Variants in CACNA1A observed in about 807,000 individuals in gnomAD.
CACNA1A encodes calcium voltage-gated channel subunit alpha1 A.
Under a neutral mutation model 262.4 loss-of-function variants are expected in CACNA1A, and 57 were observed. That is an observed-to-expected ratio of 0.22 (90% CI 0.18 to 0.27). CACNA1A has a LOEUF of 0.27. Ranked by LOEUF, CACNA1A falls within the 10% of genes least tolerant of loss-of-function variation. The probability of loss-of-function intolerance (pLI) is 1.00; values close to 1 mark genes in which losing one functional copy is unlikely to be tolerated. For synonymous variants in CACNA1A, 1,431 were observed against 1,419.3 expected (o/e 1.01, Z -0.18); for missense variants, 2,526 against 3,562.8 (o/e 0.71, Z 7.41).
At chr19:13,275,726 C>T in intron 24 of CACNA1A, 124 bp downstream of exon 24, 1 of 711,794 alleles carries the variant, frequency 1.4e-6, no homozygotes, top group Admixed American at 2.0e-5. Context: ...CTGATATCTC[C>T]CACGTCCCCG....
chr19:13,455,260 T>TG (rs1215396491), intron 1 of CACNA1A, 48 bp from the exon 2 acceptor site: 2 of 1,187,596 alleles, frequency 1.7e-6, no homozygotes, highest in Non-Finnish European at 2.5e-6. Context: ...AGAAGGGTGT[T>TG]GGAGGTGCAC....
At chr19:13,331,944 G>A (rs2076358387) in intron 9 of CACNA1A, among the ~76,000 whole-genome samples, 1 of 152,192 alleles carries the variant, frequency 6.6e-6, no homozygotes, top group Non-Finnish European at 1.5e-5. Context: ...ACAGATGTGA[G>A]CCACAGACAG....
At chr19:13,465,143 C>T (rs2061210838) in intron 1 of CACNA1A, among the ~76,000 whole-genome samples, 2 of 151,634 alleles carry the variant, frequency 1.3e-5, no homozygotes. Context: ...GTTGGCCAGG[C>T]TAGTCTTGAA....
intron 6 of CACNA1A, among the ~76,000 whole-genome samples, chr19:13,351,937 G>C (rs776023486): frequency 1.3e-5 from 2 of 152,138 alleles, no homozygotes; most frequent in South Asian, 4.1e-4. Flanking sequence ...GAGCCACCAA[G>C]GCTGGCCATT....
At chr19:13,404,005 A>T (rs1232817999) in intron 3 of CACNA1A, among the ~76,000 whole-genome samples, 1 of 152,108 alleles carries the variant, frequency 6.6e-6, no homozygotes, top group Non-Finnish European at 1.5e-5. Flanking sequence ...ACATATGTTC[A>T]AATCTTGGCC....
At chr19:13,254,197 T>C (rs1297390451) in intron 29 of CACNA1A, among the ~76,000 whole-genome samples, 1 of 152,160 alleles carries the variant, frequency 6.6e-6, no homozygotes, top group Non-Finnish European at 1.5e-5. Flanking sequence ...CACTGGTTGC[T>C]TGTACAAAGG....
intron 31 of CACNA1A, among the ~76,000 whole-genome samples, chr19:13,242,845 G>C (rs934706771): frequency 6.6e-6 from 1 of 152,192 alleles, no homozygotes; most frequent in Non-Finnish European, 1.5e-5. Context: ...CATGAGAAGA[G>C]ATAGCGCAAG....
Position 13,218,293 on chromosome 19 carries a change from C to T in CACNA1A, c.5732-3685G>A, listed in dbSNP as rs79804674. Among the ~76,000 whole-genome samples the T allele has an allele frequency of 7.3e-3, 1,104 of 152,116 alleles. 12 individuals are homozygous for T. The highest frequency in any genetic ancestry group is 0.025 in the African/African-American group (1,038 of 41,486). ...AGTTCATTCTAACAATGCGATTTAT[C>T]GTTGGGGTCTTGGGCCACGTGGTAT... On this transcript the variant is annotated intron_variant, in intron 38 of 46. Transcript: ENST00000360228.
chr19:13,498,072 C>T (rs1045848872), intron 1 of CACNA1A, among the ~76,000 whole-genome samples: 1 of 151,974 alleles, frequency 6.6e-6, no homozygotes, highest in Non-Finnish European at 1.5e-5. Flanking sequence ...GCCACGAACA[C>T]ATTTCACTGC....
intron 3 of CACNA1A, among the ~76,000 whole-genome samples, chr19:13,375,184 G>A (rs752415641): frequency 6.6e-6 from 1 of 152,042 alleles, no homozygotes; most frequent in Non-Finnish European, 1.5e-5. Context: ...TGTTATGGTG[G>A]TCTGTGATCA....
intron 1 of CACNA1A, among the ~76,000 whole-genome samples, chr19:13,497,556 AT>A (rs1568709906): frequency 0.036 from 2,157 of 60,466 alleles, 659 homozygotes; most frequent in East Asian, 0.043. Context: ...ATATATATAT[AT>A]ATATATATAT....
chr19:13,332,764 T>C, intron 9 of CACNA1A, 105 bp downstream of exon 9: 1 of 662,282 alleles, frequency 1.5e-6, no homozygotes, highest in Admixed American at 2.3e-5. Flanking sequence ...ACGTCTACCC[T>C]CTGCAAGATC....
At chr19:13,346,637 TATATATATATATATATATA>T (rs2058773737) in intron 6 of CACNA1A, among the ~76,000 whole-genome samples, 15 of 5,346 alleles carry the variant, frequency 2.8e-3, no homozygotes, top group Middle Eastern at 0.036. Flanking sequence ...TATATATATA[TATATATATATATATATATA>T]TATATATATA....
At position 13,253,051 on chromosome 19, in the gene CACNA1A, G is replaced by A. The variant is rs372240227; in HGVS notation, c.4806C>T (p.Ile1602=). The change falls in exon 30 of 47, where the codon ATC becomes ATT. Residue 1602 remains isoleucine (I), a synonymous_variant. Transcript: ENST00000360228. ...AYENALRVFN[I]VFTSLFSLEC... ...CCAGAGAGAAGAGGGAGGTGAAGACGATGTTGAACACCCGCAGGGCATTTT... is the reference window on the plus strand; with the variant it reads ...CCAGAGAGAAGAGGGAGGTGAAGACAATGTTGAACACCCGCAGGGCATTTT... 104 of 1,613,772 alleles carry A rather than the reference G, an allele frequency of 6.4e-5. No homozygotes were observed. In the African/African-American group the frequency reaches 1.0e-3, roughly 16 times the overall value.
chr19:13,210,935 C>T, intron 43 of CACNA1A: 1 of 537,768 alleles, frequency 1.9e-6, no homozygotes, highest in Non-Finnish European at 3.3e-6. Flanking sequence ...AGGCATGGGA[C>T]CGAAAGACAG....
intron 7 of CACNA1A, 68 bp from the exon 8 acceptor site, chr19:13,334,561 T>TTG (rs1196739807): frequency 0.025 from 7,780 of 309,288 alleles, 11 homozygotes; most frequent in East Asian, 0.073. Context: ...GTGTGTGTGT[T>TTG]TGTGTGTGTG....
intron 1 of CACNA1A, among the ~76,000 whole-genome samples, chr19:13,469,980 T>C (rs1174870269): frequency 6.6e-6 from 1 of 151,958 alleles, no homozygotes; most frequent in Non-Finnish European, 1.5e-5. Flanking sequence ...GCCTTCCCCA[T>C]ACCTGGGCAG....
chr19:13,407,514 T>C (rs981915429), intron 3 of CACNA1A, among the ~76,000 whole-genome samples: 8 of 152,230 alleles, frequency 5.3e-5, no homozygotes, highest in African/African-American at 1.9e-4. Context: ...ACAGCACTTG[T>C]ATACAGTAGA....
chr19:13,208,672 A>G, intron 46 of CACNA1A, 84 bp downstream of exon 46: 1 of 1,433,594 alleles, frequency 7.0e-7, no homozygotes, highest in Admixed American at 2.4e-5. Flanking sequence ...CTTTGCCTAG[A>G]GTGGCTGTTG....
Sources: allele counts gnomAD v4.1 joint callset (sites outside exome capture counted in the v4.1 genomes callset), GRCh38; gene constraint gnomAD v4.1.1; transcripts MANE v1.5; gene names NCBI Gene and HGNC (gene_info 2026-07-23, HGNC 2026-07-21).